The following ATF7IP variants were observed in gnomAD, a reference collection of about 807,000 sequenced individuals.
ATF7IP encodes the protein activating transcription factor 7 interacting protein.
A neutral mutation model predicts 106.4 loss-of-function variants in ATF7IP; 23 were observed. The ratio of observed to expected loss-of-function variants is 0.22; its 90% CI spans 0.16 to 0.31. ATF7IP has a LOEUF of 0.31. ATF7IP is among the 10% of genes least tolerant of loss of function. The pLI, the probability that ATF7IP is intolerant of heterozygous loss-of-function variation, is 1.00. For synonymous variants in ATF7IP, 542 were observed against 539.0 expected, an observed-to-expected ratio of 1.01 and a Z score of -0.08; for missense variants, 1,334 against 1,524.3, an observed-to-expected ratio of 0.88 and a Z score of 2.08.
intron 1 of ATF7IP, among the ~76,000 whole-genome samples, chr12:14,375,006 A>G (rs913177537): frequency 7.9e-5 from 12 of 152,064 alleles, no homozygotes; most frequent in Non-Finnish European, 1.5e-4. Flanking sequence ...ATCCTTTCTA[A>G]TAAGGTATGA....
At chr12:14,408,881 G>T (rs1403807372) in intron 1 of ATF7IP, among the ~76,000 whole-genome samples, 10 of 151,986 alleles carry the variant, frequency 6.6e-5, no homozygotes, top group Admixed American at 2.0e-4. Context: ...TGTCAGTTAC[G>T]TGTACATAGC....
intron 5 of ATF7IP, among the ~76,000 whole-genome samples, chr12:14,441,487 CTTTTTTTTTTTT>C (rs36088397): frequency 9.5e-6 from 1 of 105,274 alleles, no homozygotes; most frequent in African/African-American, 3.7e-5. Flanking sequence ...ATACCAAAGT[CTTTTTTTTTTTT>C]TTTTTTTTGA....
At chr12:14,387,500 T>C (rs998217046) in intron 1 of ATF7IP, among the ~76,000 whole-genome samples, 10 of 152,160 alleles carry the variant, frequency 6.6e-5, no homozygotes, top group Admixed American at 3.3e-4. Context: ...TTGAGTGGGA[T>C]CTTAGGGAAA....
chr12:14,435,030 G>A (rs1182766144), intron 3 of ATF7IP, among the ~76,000 whole-genome samples: 2 of 152,016 alleles, frequency 1.3e-5, no homozygotes, highest in Non-Finnish European at 2.9e-5. Context: ...TGAGGTTCCA[G>A]TGAGCAATGA....
intron 1 of ATF7IP, chr12:14,369,442 C>CCCAGAG (rs1938444564): frequency 6.6e-6 from 1 of 152,178 alleles, no homozygotes; most frequent in African/African-American, 2.4e-5. Context: ...GTAACCTCTT[C>CCCAGAG]TTGGGTTCCA....
chr12:14,378,822 T>C (rs980456658), intron 1 of ATF7IP, among the ~76,000 whole-genome samples: 1 of 152,226 alleles, frequency 6.6e-6, no homozygotes, highest in African/African-American at 2.4e-5. Context: ...TCCATGTAAA[T>C]AGCAATAGTT....
intron 1 of ATF7IP, among the ~76,000 whole-genome samples, chr12:14,415,792 A>G (rs771524787): frequency 2.6e-4 from 39 of 152,016 alleles, no homozygotes; most frequent in Admixed American, 1.0e-3. Context: ...ATCTGTTTAC[A>G]TAGCCTTTAT....
chr12:14,427,117 T>G (rs967112349), intron 2 of ATF7IP, among the ~76,000 whole-genome samples: 12 of 152,016 alleles, frequency 7.9e-5, no homozygotes, highest in African/African-American at 2.9e-4. Context: ...AGAGGTTTTT[T>G]TTGTTTGCTT....
At chr12:14,467,322 G>A (rs1377500297) in intron 10 of ATF7IP, among the ~76,000 whole-genome samples, 1 of 151,940 alleles carries the variant, frequency 6.6e-6, no homozygotes, top group Non-Finnish European at 1.5e-5. Context: ...TTTAAAACAA[G>A]GGCATCATTT....
intron 1 of ATF7IP, among the ~76,000 whole-genome samples, chr12:14,384,257 G>A (rs1005316808): frequency 2.0e-5 from 3 of 152,106 alleles, no homozygotes; most frequent in African/African-American, 7.2e-5. Context: ...ATTTTAGGAA[G>A]GTAGACTGAG....
At chr12:14,485,031 A>C (rs1565552455) in intron 13 of ATF7IP, among the ~76,000 whole-genome samples, 1 of 152,024 alleles carries the variant, frequency 6.6e-6, no homozygotes, top group African/African-American at 2.4e-5. Flanking sequence ...TTGCTCCAAA[A>C]TCCTGGAGGC....
At chr12:14,442,629 T>G (rs1026754130) in intron 5 of ATF7IP, among the ~76,000 whole-genome samples, 11 of 152,226 alleles carry the variant, frequency 7.2e-5, no homozygotes, top group African/African-American at 2.7e-4. Flanking sequence ...GCTAATATGA[T>G]ATTTTGACTT....
At chr12:14,464,146 G>A (rs1247662042) in intron 9 of ATF7IP, among the ~76,000 whole-genome samples, 6 of 152,058 alleles carry the variant, frequency 3.9e-5, no homozygotes, top group Admixed American at 3.9e-4. Context: ...ACCCCCATCT[G>A]TACAAAAAAT....
intron 1 of ATF7IP, among the ~76,000 whole-genome samples, chr12:14,403,214 T>A (rs17343119): frequency 1.3e-5 from 2 of 152,208 alleles, no homozygotes; most frequent in African/African-American, 4.8e-5. Flanking sequence ...TAGTGTCTTT[T>A]CAATTTCTGT....
intron 1 of ATF7IP, among the ~76,000 whole-genome samples, chr12:14,413,247 TCTG>T (rs1941021806): frequency 6.6e-6 from 1 of 152,192 alleles, no homozygotes; most frequent in African/African-American, 2.4e-5. Context: ...TTGAGTGAAT[TCTG>T]CTCTTAATTG....
At chr12:14,423,552 T>G (rs1941645966) in intron 1 of ATF7IP, among the ~76,000 whole-genome samples, 1 of 150,406 alleles carries the variant, frequency 6.6e-6, no homozygotes, top group East Asian at 1.9e-4. Context: ...CTTTTATTTT[T>G]CTTTCTCATT....
At chr12:14,439,163 A>AGAAGCTGGTATTT (rs1422091932) in intron 5 of ATF7IP, among the ~76,000 whole-genome samples, 2 of 152,190 alleles carry the variant, frequency 1.3e-5, no homozygotes, top group East Asian at 3.8e-4. Flanking sequence ...TCCAAAGCTA[A>AGAAGCTGGTATTT]GAAGCTGGTA....
intron 1 of ATF7IP, among the ~76,000 whole-genome samples, chr12:14,410,054 T>C (rs1940821537): frequency 6.6e-6 from 1 of 152,100 alleles, no homozygotes; most frequent in Admixed American, 6.6e-5. Flanking sequence ...AAAGAAATCC[T>C]GTACCCTTTA....
Position 14,502,191 on chromosome 12 carries a change from ACT to A in ATF7IP, c.*4121_*4122del, listed in dbSNP as rs1220069750. On this transcript the variant is annotated 3_prime_UTR_variant, in exon 15 of 15. Transcript: ENST00000261168. ...GTCCCAGTATTTGCAATATCAAATA[ACT>A]CTAAAACCGATGTGTGATTCTACCT... The A allele has an allele frequency of 6.6e-6, 1 of 152,164 alleles. No individual in the cohort carries two copies. The highest frequency in any genetic ancestry group is 1.5e-5 in the Non-Finnish European group (1 of 68,014). The allele number at this position is 152,164 out of a possible 1,614,324, so 9.4% of individuals were successfully genotyped here. A position where few individuals can be genotyped will look rare whatever the true frequency, so the allele number is the denominator to read the frequency against.
Sources: gnomAD v4.1 joint callset for allele counts (sites outside exome capture counted in the v4.1 genomes callset) on GRCh38, gnomAD v4.1.1 for gene constraint, MANE v1.5 for transcripts, NCBI Gene and HGNC (gene_info 2026-07-23, HGNC 2026-07-21) for gene names.